The following GBP7 variants were observed in gnomAD, a reference collection of about 807,000 sequenced individuals.
The protein encoded by GBP7 is guanylate binding protein 7, also known as guanylate-binding protein 7.
GBP7 carries 43 observed loss-of-function variants against 61.3 expected under a neutral mutation model. The observed-to-expected ratio is 0.70, with a 90% CI of 0.55 to 0.91. The LOEUF is 0.91. Ranked by LOEUF, GBP7 falls within the 40% of genes least tolerant of loss-of-function variation. The probability of loss-of-function intolerance (pLI) is 0.00; values close to 1 mark genes in which losing one functional copy is unlikely to be tolerated. For missense variants in GBP7, 717 were observed against 740.5 expected, an observed-to-expected ratio of 0.97 and a Z score of 0.37; for synonymous variants, 267 against 271.0, an observed-to-expected ratio of 0.99 and a Z score of 0.14.
At chr1:89,161,757 G>A (rs142742633) in intron 3 of GBP7, among the ~76,000 whole-genome samples, 10 of 152,210 alleles carry the variant, frequency 6.6e-5, no homozygotes, top group South Asian at 6.2e-4. Context: ...CTTTTGCTGT[G>A]CAGAAGCTCT....
Position 89,152,404 on chromosome 1 carries a change from A to C in GBP7, c.489T>G (p.Val163=), listed in dbSNP as rs1682224310. 6.2e-7 allele frequency: 1 copy of C among 1,614,056 alleles called. No individual in the cohort carries two copies. Among genetic ancestry groups the C allele is most frequent in the Non-Finnish European group, 8.5e-7 (1 of 1,180,024 alleles). The stretch of plus-strand genomic sequence containing the variant: ...AACTCACAAACTCGCTGGAGTCCTC[A>C]ACTTCATCAGGTCTGGGGCACGATT... ...RAKSCPRPDE[V]EDSSEFVSFF... Residue 163 remains valine (V), a synonymous_variant, in exon 5 of 11, where the codon GTT becomes GTG. Coordinates refer to ENST00000294671, the MANE Select transcript of GBP7 (RefSeq NM_207398.3).
At chr1:89,136,371 C>A (rs938253804) in intron 9 of GBP7, among the ~76,000 whole-genome samples, 1 of 152,106 alleles carries the variant, frequency 6.6e-6, no homozygotes, top group Non-Finnish European at 1.5e-5. Context: ...TTCATCTCAT[C>A]TGCACATGGC....
At chr1:89,150,985 T>C (rs1682184628) in intron 5 of GBP7, among the ~76,000 whole-genome samples, 1 of 152,262 alleles carries the variant, frequency 6.6e-6, no homozygotes, top group Non-Finnish European at 1.5e-5. Flanking sequence ...GATATACATG[T>C]ACATAGTGAA....
intron 1 of GBP7, among the ~76,000 whole-genome samples, chr1:89,173,561 T>G (rs1270617656): frequency 6.6e-6 from 1 of 152,200 alleles, no homozygotes; most frequent in Non-Finnish European, 1.5e-5. Context: ...TATAGAAAAT[T>G]ATTAGTGTAC....
chr1:89,140,685 A>G (rs566535719), intron 9 of GBP7, among the ~76,000 whole-genome samples: 4 of 152,186 alleles, frequency 2.6e-5, no homozygotes, highest in East Asian at 1.9e-4. Context: ...TGACCCACCA[A>G]TCCCATTACT....
chr1:89,168,798 A>G (rs2100660979), intron 2 of GBP7, among the ~76,000 whole-genome samples: 1 of 151,732 alleles, frequency 6.6e-6, no homozygotes, highest in South Asian at 2.1e-4. Flanking sequence ...AACAACAACA[A>G]CAACAACAAC....
intron 8 of GBP7, among the ~76,000 whole-genome samples, chr1:89,145,285 G>A (rs765987563): frequency 4.6e-5 from 7 of 152,026 alleles, no homozygotes; most frequent in Non-Finnish European, 1.0e-4. Flanking sequence ...TCACATAAAG[G>A]TGCGTCATGC....
intron 9 of GBP7, among the ~76,000 whole-genome samples, chr1:89,139,318 G>A (rs1681881065): frequency 6.6e-6 from 1 of 152,176 alleles, no homozygotes; most frequent in Non-Finnish European, 1.5e-5. Flanking sequence ...AGACTTAGAT[G>A]TTAGACCTAA....
At chr1:89,168,992 CAAAA>C (rs1197979434) in intron 2 of GBP7, among the ~76,000 whole-genome samples, 1 of 145,332 alleles carries the variant, frequency 6.9e-6, no homozygotes, top group Non-Finnish European at 1.5e-5. Context: ...AAACAAAAAA[CAAAA>C]AAACTCCTGT....
intron 9 of GBP7, 32 bp from the exon 10 acceptor site, chr1:89,133,483 A>T (rs1490703418): frequency 6.3e-7 from 1 of 1,589,606 alleles, no homozygotes; most frequent in East Asian, 2.2e-5. Flanking sequence ...GAGGGAAGAA[A>T]ATAACAGTCA....
At chr1:89,166,710 T>G (rs548600912) in intron 2 of GBP7, among the ~76,000 whole-genome samples, 3 of 152,336 alleles carry the variant, frequency 2.0e-5, no homozygotes, top group Non-Finnish European at 2.9e-5. Flanking sequence ...TGATGGGAAC[T>G]TCCATTGAAG....
At chr1:89,143,527 T>A (rs1002275728) in intron 8 of GBP7, among the ~76,000 whole-genome samples, 11 of 152,220 alleles carry the variant, frequency 7.2e-5, no homozygotes, top group Non-Finnish European at 1.0e-4. Flanking sequence ...TAATTTTTTT[T>A]ATTTAACTTT....
chr1:89,155,265 G>GCT (rs1557460775), intron 3 of GBP7, among the ~76,000 whole-genome samples: 3 of 152,210 alleles, frequency 2.0e-5, no homozygotes, highest in African/African-American at 4.8e-5. Flanking sequence ...GAGCAGAAAA[G>GCT]CTGAAAATTC....
intron 2 of GBP7, among the ~76,000 whole-genome samples, 158 bp downstream of exon 2, chr1:89,171,588 A>G (rs568155829): frequency 2.3e-4 from 35 of 151,540 alleles, no homozygotes; most frequent in African/African-American, 8.0e-4. Flanking sequence ...GTTGACTCCA[A>G]TCCTCCAGAG....
At chr1:89,151,090 A>G (rs1028498284) in intron 5 of GBP7, among the ~76,000 whole-genome samples, 2 of 152,028 alleles carry the variant, frequency 1.3e-5, no homozygotes, top group African/African-American at 4.8e-5. Flanking sequence ...ATCTCTGTAA[A>G]TTTTAAATGT....
Position 89,149,505 on chromosome 1 carries a change from A to C in GBP7, c.939T>G (p.Asn313Lys). ...CACACTGGGCCAGAACTGCCATTGC[A>C]TTCTCCAGACAAGGAGTCGCTCCAC... ...INSGATPCLE[N>K]AMAVLAQCEN... Residue 313 changes from asparagine (N) to lysine (K), a missense_variant, in exon 7 of 11, where the codon AAT (asparagine) becomes AAG (lysine). Physicochemically the swap from Asn to Lys is moderately conservative, Grantham distance 94. Around this residue, in one of 3 missense-constraint regions of GBP7, gnomAD observed 387 missense variants for 385.2 expected, o/e 1.00. Transcript: ENST00000294671. The C allele has an allele frequency of 6.2e-7, 1 of 1,614,152 alleles. No individual in the cohort carries two copies. Among genetic ancestry groups the C allele is most frequent in the Non-Finnish European group, 8.5e-7 (1 of 1,180,016 alleles).
chr1:89,150,623 A>G, intron 5 of GBP7, 48 bp from the exon 6 acceptor site: 1 of 1,584,824 alleles, frequency 6.3e-7, no homozygotes, highest in Non-Finnish European at 8.6e-7. Flanking sequence ...GTTTTAAGTG[A>G]GCCTGAAGAT....
chr1:89,143,326 TTTTTC>T (rs1169434409), intron 8 of GBP7, among the ~76,000 whole-genome samples: 1 of 152,176 alleles, frequency 6.6e-6, no homozygotes, highest in Non-Finnish European at 1.5e-5. Flanking sequence ...ATTAAGCACT[TTTTTC>T]TGTTTAACTG....
At chr1:89,139,375 A>G (rs1408062079) in intron 9 of GBP7, among the ~76,000 whole-genome samples, 1 of 152,254 alleles carries the variant, frequency 6.6e-6, no homozygotes, top group African/African-American at 2.4e-5. Flanking sequence ...CATTCAGGAC[A>G]TAGGCATGGG....
Sources: gnomAD v4.1 joint callset for allele counts (sites outside exome capture counted in the v4.1 genomes callset) on GRCh38, gnomAD v4.1.1 for gene constraint, gnomAD v4.1.1 regional missense constraint, MANE v1.5 for transcripts, NCBI Gene and HGNC (gene_info 2026-07-23, HGNC 2026-07-21) for gene names.